The following UIMC1 variants were observed in gnomAD, a reference collection of about 807,000 sequenced individuals.
UIMC1 encodes ubiquitin interaction motif containing 1.
A neutral mutation model predicts 84.9 loss-of-function variants in UIMC1; 42 were observed. The observed-to-expected ratio is 0.49, with a 90% CI of 0.39 to 0.64. UIMC1 has a LOEUF of 0.64. Among genes scored for constraint, UIMC1 ranks in the 30% least tolerant of loss-of-function variants. The probability of loss-of-function intolerance (pLI) is 0.00; values close to 1 mark genes in which losing one functional copy is unlikely to be tolerated. For missense variants in UIMC1, 825 were observed against 847.6 expected, an observed-to-expected ratio of 0.97 and a Z score of 0.33; for synonymous variants, 281 against 293.0, an observed-to-expected ratio of 0.96 and a Z score of 0.42.
intron 10 of UIMC1, among the ~76,000 whole-genome samples, chr5:176,941,680 G>GT (rs1443988557): frequency 2.8e-4 from 43 of 152,176 alleles, no homozygotes; most frequent in Admixed American, 6.5e-4. Context: ...AATTACCTAG[G>GT]TTTACATTCA....
At chr5:177,003,380 C>T (rs1292401845) in intron 1 of UIMC1, among the ~76,000 whole-genome samples, 1 of 152,108 alleles carries the variant, frequency 6.6e-6, no homozygotes. Flanking sequence ...GTAGGCCGGG[C>T]GCGGTGGTTC....
intron 9 of UIMC1, among the ~76,000 whole-genome samples, chr5:176,949,086 CCT>C (rs1765506678): frequency 6.6e-6 from 1 of 151,272 alleles, no homozygotes; most frequent in African/African-American, 2.4e-5. Flanking sequence ...CCAGTTTTCC[CCT>C]TTTTAAAAAA....
chr5:176,978,557 T>C (rs1392684009), intron 2 of UIMC1, among the ~76,000 whole-genome samples: 1 of 151,898 alleles, frequency 6.6e-6, no homozygotes, highest in South Asian at 2.1e-4. Flanking sequence ...ATGAAGGCCA[T>C]AGCGCCCCCC....
At chr5:177,011,371 T>C (rs1170370376), upstream of UIMC1, among the ~76,000 whole-genome samples, 1 of 151,720 alleles carries the variant, frequency 6.6e-6, no homozygotes, top group Admixed American at 6.6e-5. Context: ...TGCCTGTGAA[T>C]AGCCACTATA....
intron 10 of UIMC1, among the ~76,000 whole-genome samples, chr5:176,932,139 C>T (rs946905508): frequency 3.3e-5 from 5 of 152,138 alleles, no homozygotes; most frequent in Admixed American, 6.5e-5. Flanking sequence ...AGAGTATGTA[C>T]GTCAGTACTG....
At chr5:176,966,424 T>C (rs1016090756) in intron 6 of UIMC1, among the ~76,000 whole-genome samples, 4 of 152,200 alleles carry the variant, frequency 2.6e-5, no homozygotes, top group African/African-American at 9.7e-5. Flanking sequence ...CTCTATTCTA[T>C]GAAGCTCCTC....
chr5:177,000,307 G>A (rs1466548699), intron 1 of UIMC1, among the ~76,000 whole-genome samples: 1 of 151,910 alleles, frequency 6.6e-6, no homozygotes, highest in Non-Finnish European at 1.5e-5. Context: ...GCTGGTACTA[G>A]TTTACATTCC....
intron 4 of UIMC1, chr5:176,970,447 G>A (rs967873807): frequency 7.3e-6 from 3 of 408,746 alleles, no homozygotes; most frequent in Admixed American, 7.4e-5. Context: ...GCTGCCTTCT[G>A]GTTCTTGGTA....
intron 3 of UIMC1, 50 bp downstream of exon 3, chr5:176,975,346 T>TCTA (rs772713499): frequency 6.4e-7 from 1 of 1,564,394 alleles, no homozygotes; most frequent in East Asian, 2.2e-5. Context: ...ATGTATCAGT[T>TCTA]CTATGACTAT....
intron 1 of UIMC1, among the ~76,000 whole-genome samples, chr5:176,993,180 CAA>C (rs71299776): frequency 8.6e-5 from 11 of 127,580 alleles, no homozygotes; most frequent in Admixed American, 2.5e-4. Flanking sequence ...GACTCCATCT[CAA>C]AAAAAAAAAA....
At chr5:176,956,170 G>A in intron 7 of UIMC1, 135 bp from the exon 8 acceptor site, 2 of 677,980 alleles carry the variant, frequency 2.9e-6, no homozygotes, top group East Asian at 2.9e-5. Flanking sequence ...AAGCACAATA[G>A]GAAAGCAAGG....
At chr5:176,942,214 T>C (rs1023056259) in intron 10 of UIMC1, among the ~76,000 whole-genome samples, 1 of 150,954 alleles carries the variant, frequency 6.6e-6, no homozygotes, top group Non-Finnish European at 1.5e-5. Flanking sequence ...AGGACATGAA[T>C]GTAAATTAGT....
At chr5:176,951,273 C>G (rs1055017829) in intron 9 of UIMC1, among the ~76,000 whole-genome samples, 3 of 152,042 alleles carry the variant, frequency 2.0e-5, no homozygotes, top group African/African-American at 7.2e-5. Context: ...TACAAAAGTA[C>G]TCAAGAAATG....
chr5:176,905,703 A>G, intron 14 of UIMC1: 1 of 649,584 alleles, frequency 1.5e-6, no homozygotes. Context: ...AGAGAATGAG[A>G]ACTGAGATCC....
At chr5:176,935,264 T>C (rs1035738391) in intron 10 of UIMC1, among the ~76,000 whole-genome samples, 2 of 152,226 alleles carry the variant, frequency 1.3e-5, no homozygotes, top group African/African-American at 4.8e-5. Context: ...TTGCTTGTTC[T>C]TTCCTACACA....
At chr5:176,946,150 G>T (rs1458529063) in intron 9 of UIMC1, among the ~76,000 whole-genome samples, 4 of 152,072 alleles carry the variant, frequency 2.6e-5, no homozygotes, top group African/African-American at 9.7e-5. Flanking sequence ...GGACCAGAAG[G>T]CAGTGACCCG....
intron 1 of UIMC1, among the ~76,000 whole-genome samples, chr5:176,996,669 T>TA (rs998751795): frequency 3.3e-5 from 5 of 152,160 alleles, no homozygotes; most frequent in Non-Finnish European, 7.3e-5. Flanking sequence ...TTCAGTACCC[T>TA]ACTCCTCAGT....
chr5:176,986,344 A>G (rs960285998), intron 1 of UIMC1, among the ~76,000 whole-genome samples: 1 of 134,434 alleles, frequency 7.4e-6, no homozygotes, highest in African/African-American at 2.9e-5. Flanking sequence ...TGGGTGCCAG[A>G]GTAAGACTTC....
At chr5:176,990,365 C>G (rs185549115) in intron 1 of UIMC1, among the ~76,000 whole-genome samples, 126 of 152,144 alleles carry the variant, frequency 8.3e-4, no homozygotes, top group African/African-American at 2.8e-3. Context: ...TGCAAGCCCT[C>G]ATCAGGCACC....
Sources: allele counts gnomAD v4.1 joint callset (sites outside exome capture counted in the v4.1 genomes callset), GRCh38; gene constraint gnomAD v4.1.1; transcripts MANE v1.5; gene names NCBI Gene and HGNC (gene_info 2026-07-23, HGNC 2026-07-21).